The following CDC123 variants were observed in gnomAD, a reference collection of about 807,000 sequenced individuals.
CDC123 encodes the protein cell division cycle 123, also known as translation initiation factor eIF2 assembly protein.
A neutral mutation model predicts 54.4 loss-of-function variants in CDC123; 37 were observed. The observed-to-expected ratio is 0.68, with a 90% CI of 0.52 to 0.89. The LOEUF (loss-of-function observed/expected upper bound fraction) is 0.89, where lower values mean the gene tolerates loss of function less well. Among genes scored for constraint, CDC123 ranks in the 40% least tolerant of loss-of-function variants. CDC123 has a pLI of 0.00. For missense variants in CDC123, 361 were observed against 412.1 expected (o/e 0.88, Z 1.07); for synonymous variants, 144 against 136.8 (o/e 1.05, Z -0.37).
intron 6 of CDC123, among the ~76,000 whole-genome samples, chr10:12,223,037 G>T (rs921294177): frequency 1.3e-5 from 2 of 151,794 alleles, no homozygotes; most frequent in African/African-American, 4.8e-5. Flanking sequence ...GACTACAGGC[G>T]CCTGCCACCA....
At chr10:12,209,259 C>T (rs781361349) in intron 2 of CDC123, among the ~76,000 whole-genome samples, 6 of 151,926 alleles carry the variant, frequency 3.9e-5, no homozygotes, top group African/African-American at 9.7e-5. Context: ...TTTTTTGAGA[C>T]GGGGTCTCAC....
chr10:12,232,712 A>G lies in CDC123; in HGVS notation c.489+1716A>G, dbSNP rs117988470. ...ATAGTCACAGCTATTGCTTCACGCA[A>G]CGAACATCTGTCTATTAAGTACCTG... On this transcript the variant is annotated intron_variant, in intron 7 of 12. Transcript: ENST00000281141. 1.3e-3 allele frequency among the ~76,000 whole-genome samples: 199 copies of G among 152,298 alleles called. 1 individual carries two copies. The highest frequency in any genetic ancestry group is 3.2e-3 in the African/African-American group (133 of 41,562).
rs1213783962 is a variant in CDC123, at chr10:12,242,847, C to T, written c.718-3302C>T. Among the ~76,000 whole-genome samples, 4 of 151,950 alleles carry T rather than the reference C, an allele frequency of 2.6e-5. No homozygotes were observed. The East Asian group carries it at 7.8e-4, about 30-fold the overall frequency. ...ATCCCAGCTACTTGGGAGGCTGAGG[C>T]AGGAGAACCACTTGAGCCCAGGAGG... On this transcript the variant is annotated intron_variant, in intron 10 of 12. Transcript: ENST00000281141.
intron 6 of CDC123, among the ~76,000 whole-genome samples, chr10:12,230,353 C>T (rs759699014): frequency 1.3e-4 from 20 of 151,976 alleles, no homozygotes; most frequent in Admixed American, 1.1e-3. Flanking sequence ...CCACCACAGC[C>T]GGCTAATTTT....
rs1183438784 is a variant in CDC123, at chr10:12,198,693, T to G, written c.75-12T>G. ...TTTTAAAATGATGCCTTTTTTGGTG[T>G]TTTTTTTTTAGTGTCATTCTTCCAC... On this transcript the variant is annotated splice_polypyrimidine_tract_variant and intron_variant, in intron 1 of 12. Coordinates refer to ENST00000281141, the MANE Select transcript of CDC123 (RefSeq NM_006023.3). 37 of 977,312 alleles carry G rather than the reference T, an allele frequency of 3.8e-5. No homozygotes were observed. Among genetic ancestry groups the G allele is most frequent in the Non-Finnish European group, 5.5e-5 (37 of 678,434 alleles). 60.5% of individuals were successfully genotyped at this position (977,312 alleles called of 1,614,324 possible). A position where few individuals can be genotyped will look rare whatever the true frequency, so the allele number is the denominator to read the frequency against.
Position 12,238,438 on chromosome 10 carries a change from C to G in CDC123, c.689-19C>G, listed in dbSNP as rs377489031. The G allele has an allele frequency of 1.9e-5, 31 of 1,596,612 alleles. No homozygotes were observed. The African/African-American group carries it at 4.2e-4, about 22-fold the overall frequency. ...GAAATATTAGTTCATTAATAACTGA[C>G]TTTTTTTCTCCTTTACAGTTGTGTT... On this transcript the variant is annotated intron_variant, in intron 9 of 12. Coordinates refer to ENST00000281141, the MANE Select transcript of CDC123 (RefSeq NM_006023.3).
intron 12 of CDC123, 88 bp from the exon 13 acceptor site, chr10:12,250,223 T>C (rs979351112): frequency 4.0e-6 from 3 of 741,624 alleles, no homozygotes; most frequent in Non-Finnish European, 6.5e-6. Flanking sequence ...TTACATCCTT[T>C]GCCAAGACCT....
intron 1 of CDC123, among the ~76,000 whole-genome samples, chr10:12,196,534 A>C (rs1588666255): frequency 2.0e-5 from 3 of 152,262 alleles, no homozygotes; most frequent in Middle Eastern, 3.4e-3. Context: ...TGAGGGTCGG[A>C]GGCGGGAGGA....
At chr10:12,218,137 A>G (rs1396700864) in intron 6 of CDC123, among the ~76,000 whole-genome samples, 1 of 152,070 alleles carries the variant, frequency 6.6e-6, no homozygotes, top group Admixed American at 6.6e-5. Flanking sequence ...ACAATTGGTT[A>G]TTATATTTCT....
Position 12,210,304 on chromosome 10 carries a change from G to A in CDC123, c.219G>A (p.Glu73=), listed in dbSNP as rs777759788. 38 of 1,613,904 alleles carry A rather than the reference G, an allele frequency of 2.4e-5. No homozygotes were observed. The highest frequency in any genetic ancestry group is 1.3e-4 in the Admixed American group (8 of 59,956). ...TTTTCATGCAGTGGTCTGATGATGAGAACACAGCCACGCTTACGGTAAGAG... is the reference window on the plus strand; with the variant it reads ...TTTTCATGCAGTGGTCTGATGATGAAAACACAGCCACGCTTACGGTAAGAG... ...EAEEIQWSDD[E]NTATLTAPEF... is the part of the protein sequence containing the mutation. The change falls in exon 4 of 13, where the codon GAG becomes GAA. Residue 73 remains glutamate, a synonymous_variant. Coordinates refer to ENST00000281141, the MANE Select transcript of CDC123 (RefSeq NM_006023.3).
chr10:12,214,680 C>T (rs1835641402), intron 4 of CDC123, among the ~76,000 whole-genome samples: 1 of 152,192 alleles, frequency 6.6e-6, no homozygotes, highest in African/African-American at 2.4e-5. Context: ...GGTCTTTTCT[C>T]AGACTCTTGT....
intron 2 of CDC123, among the ~76,000 whole-genome samples, chr10:12,200,794 A>G (rs1159580240): frequency 1.3e-5 from 2 of 152,154 alleles, no homozygotes; most frequent in Non-Finnish European, 2.9e-5. Context: ...TTAGCCGGGC[A>G]TGGTGGTGGG....
At chr10:12,241,789 C>T (rs1176955134) in intron 10 of CDC123, among the ~76,000 whole-genome samples, 1 of 152,176 alleles carries the variant, frequency 6.6e-6, no homozygotes, top group Non-Finnish European at 1.5e-5. Flanking sequence ...CAGAGAAGAA[C>T]AGTCATTGTG....
At chr10:12,227,532 C>T (rs1039862573) in intron 6 of CDC123, among the ~76,000 whole-genome samples, 16 of 151,242 alleles carry the variant, frequency 1.1e-4, no homozygotes, top group Non-Finnish European at 2.1e-4. Context: ...GAGTCTCACT[C>T]TATTGCCCAG....
At chr10:12,225,658 C>G (rs1173391633) in intron 6 of CDC123, among the ~76,000 whole-genome samples, 1 of 151,078 alleles carries the variant, frequency 6.6e-6, no homozygotes, top group African/African-American at 2.4e-5. Context: ...AGAAATCACC[C>G]AATACCATCT....
chr10:12,227,071 C>T (rs1364094118), intron 6 of CDC123, among the ~76,000 whole-genome samples: 1 of 152,162 alleles, frequency 6.6e-6, no homozygotes, highest in Non-Finnish European at 1.5e-5. Flanking sequence ...CCCACCAACA[C>T]GGCAAAACCC....
At chr10:12,243,228 A>G (rs775993281) in intron 10 of CDC123, among the ~76,000 whole-genome samples, 1 of 151,716 alleles carries the variant, frequency 6.6e-6, no homozygotes, top group African/African-American at 2.4e-5. Flanking sequence ...GTGACACCCC[A>G]TCTCTACCAA....
At chr10:12,200,157 T>G (rs1252830500) in intron 2 of CDC123, among the ~76,000 whole-genome samples, 1 of 107,072 alleles carries the variant, frequency 9.3e-6, no homozygotes, top group African/African-American at 3.7e-5. Flanking sequence ...GATGGAGTCT[T>G]GCTCTGTCAG....
At chr10:12,229,425 C>G (rs910382426) in intron 6 of CDC123, among the ~76,000 whole-genome samples, 1 of 152,188 alleles carries the variant, frequency 6.6e-6, no homozygotes, top group African/African-American at 2.4e-5. Flanking sequence ...TCGCAGTTCC[C>G]CCTTGAGTCC....
Sources: gnomAD v4.1 joint callset for allele counts (sites outside exome capture counted in the v4.1 genomes callset) on GRCh38, gnomAD v4.1.1 for gene constraint, MANE v1.5 for transcripts, NCBI Gene and HGNC (gene_info 2026-07-23, HGNC 2026-07-21) for gene names.